Variants in ADAMTS12 observed in about 807,000 individuals in gnomAD.
ADAMTS12 encodes the protein A disintegrin and metalloproteinase with thrombospondin motifs 12.
In ADAMTS12, 118 loss-of-function variants were observed where a neutral mutation model predicts 167.8. The ratio of observed to expected loss-of-function variants is 0.70; its 90% CI spans 0.61 to 0.82. ADAMTS12 has a LOEUF of 0.82. Ranked by LOEUF, ADAMTS12 falls within the 40% of genes least tolerant of loss-of-function variation. ADAMTS12 has a pLI of 0.00. For missense variants in ADAMTS12, 1,916 were observed against 1,998.8 expected, an observed-to-expected ratio of 0.96 and a Z score of 0.79; for synonymous variants, 704 against 716.9, an observed-to-expected ratio of 0.98 and a Z score of 0.29.
chr5:33,575,932 C>T, intron 19 of ADAMTS12, 122 bp downstream of exon 19: 4 of 1,409,114 alleles, frequency 2.8e-6, no homozygotes, highest in South Asian at 1.5e-5. Context: ...GGTCTGATTG[C>T]TTCCTTTTGT....
At chr5:33,684,724 C>G (rs1217115455) in intron 3 of ADAMTS12, among the ~76,000 whole-genome samples, 2 of 152,172 alleles carry the variant, frequency 1.3e-5, no homozygotes, top group East Asian at 3.8e-4. Flanking sequence ...GCAAAACTAT[C>G]AAGGTGACTA....
chr5:33,570,378 T>G (rs1746262056), intron 19 of ADAMTS12, among the ~76,000 whole-genome samples: 1 of 152,166 alleles, frequency 6.6e-6, no homozygotes, highest in African/African-American at 2.4e-5. Flanking sequence ...GGGAAGCCCA[T>G]CAGACTAACA....
chr5:33,694,193 T>C (rs1331591952), intron 3 of ADAMTS12, among the ~76,000 whole-genome samples: 1 of 152,184 alleles, frequency 6.6e-6, no homozygotes, highest in Non-Finnish European at 1.5e-5. Context: ...TGCTCATGGA[T>C]AGGAAGAATC....
At chr5:33,871,268 A>C (rs1290906020) in intron 2 of ADAMTS12, among the ~76,000 whole-genome samples, 1 of 152,182 alleles carries the variant, frequency 6.6e-6, no homozygotes, top group Non-Finnish European at 1.5e-5. Context: ...ATTCTACCAA[A>C]CATGTAAAGA....
At chr5:33,609,452 C>T (rs1167522092) in intron 16 of ADAMTS12, among the ~76,000 whole-genome samples, 4 of 150,898 alleles carry the variant, frequency 2.7e-5, no homozygotes, top group African/African-American at 9.8e-5. Context: ...CTCACTGCAG[C>T]CTCAACCTCC....
intron 2 of ADAMTS12, among the ~76,000 whole-genome samples, chr5:33,777,052 A>C (rs2112434715): frequency 6.6e-6 from 1 of 152,294 alleles, no homozygotes; most frequent in African/African-American, 2.4e-5. Flanking sequence ...CAACAAAGAA[A>C]AACCTAGGAC....
chr5:33,810,359 G>T (rs1168635465), intron 2 of ADAMTS12, among the ~76,000 whole-genome samples: 1 of 152,132 alleles, frequency 6.6e-6, no homozygotes, highest in Non-Finnish European at 1.5e-5. Context: ...TTTTAATCAG[G>T]CATAACAACT....
chr5:33,540,209 C>A (rs1054998810), intron 22 of ADAMTS12, among the ~76,000 whole-genome samples: 1 of 152,226 alleles, frequency 6.6e-6, no homozygotes, highest in Non-Finnish European at 1.5e-5. Flanking sequence ...TCATTGCTAG[C>A]GCAGCAGTCT....
rs374998091 is a variant in ADAMTS12, at chr5:33,595,919, G to A, written c.2654+15C>T. 6.2e-7 allele frequency: 1 copy of A among 1,613,880 alleles called. No homozygotes were observed. Among genetic ancestry groups the A allele is most frequent in the Non-Finnish European group, 8.5e-7 (1 of 1,179,804 alleles). The stretch of plus-strand genomic sequence containing the variant: ...TAGGCAGACACACAGAGCTCCAGCT[G>A]TTAGCGATGGTTACCTGGGTGGACA... On this transcript the variant is annotated intron_variant, in intron 17 of 23. Transcript: ENST00000504830.
At chr5:33,572,483 A>G (rs1265506273) in intron 19 of ADAMTS12, among the ~76,000 whole-genome samples, 4 of 151,238 alleles carry the variant, frequency 2.6e-5, no homozygotes, top group East Asian at 1.9e-4. Context: ...TATAAACAGA[A>G]CCAAAGACAA....
At chr5:33,761,166 C>T (rs542888634) in intron 2 of ADAMTS12, among the ~76,000 whole-genome samples, 1 of 152,302 alleles carries the variant, frequency 6.6e-6, no homozygotes, top group South Asian at 2.1e-4. Flanking sequence ...ATCCCAGTAG[C>T]TCACCATTTT....
intron 2 of ADAMTS12, among the ~76,000 whole-genome samples, chr5:33,869,461 G>A (rs1223784621): frequency 6.6e-6 from 1 of 152,050 alleles, no homozygotes; most frequent in African/African-American, 2.4e-5. Flanking sequence ...TGTGTGGCTG[G>A]AACCCTACAC....
At chr5:33,763,618 A>T (rs1745431447) in intron 2 of ADAMTS12, among the ~76,000 whole-genome samples, 1 of 152,236 alleles carries the variant, frequency 6.6e-6, no homozygotes, top group Non-Finnish European at 1.5e-5. Flanking sequence ...CCATTCAGGG[A>T]AGTCCAGGAG....
At chr5:33,783,606 C>T (rs1487506681) in intron 2 of ADAMTS12, among the ~76,000 whole-genome samples, 1 of 151,792 alleles carries the variant, frequency 6.6e-6, no homozygotes, top group Admixed American at 6.6e-5. Context: ...TAATTCTGTG[C>T]CAACAAATTA....
At chr5:33,542,766 G>C (rs1188033279) in intron 22 of ADAMTS12, among the ~76,000 whole-genome samples, 1 of 152,118 alleles carries the variant, frequency 6.6e-6, no homozygotes, top group East Asian at 1.9e-4. Context: ...AATGACTACT[G>C]GGTACATAAC....
chr5:33,696,686 C>G (rs973221261), intron 3 of ADAMTS12, among the ~76,000 whole-genome samples: 1 of 152,128 alleles, frequency 6.6e-6, no homozygotes, highest in African/African-American at 2.4e-5. Flanking sequence ...TAAGTCTGCA[C>G]TGGGAGGCTG....
chr5:33,641,373 G>A (rs1008499456), intron 11 of ADAMTS12, among the ~76,000 whole-genome samples: 1 of 152,082 alleles, frequency 6.6e-6, no homozygotes, highest in African/African-American at 2.4e-5. Context: ...AGTTGCTTAA[G>A]GAAAGAATTA....
chr5:33,829,040 C>T (rs1748200041), intron 2 of ADAMTS12, among the ~76,000 whole-genome samples: 1 of 152,100 alleles, frequency 6.6e-6, no homozygotes, highest in African/African-American at 2.4e-5. Flanking sequence ...GCATACACAC[C>T]ATACTGCTCT....
chr5:33,574,004 C>T (rs972364289), intron 19 of ADAMTS12, among the ~76,000 whole-genome samples: 1 of 152,206 alleles, frequency 6.6e-6, no homozygotes, highest in Non-Finnish European at 1.5e-5. Context: ...AAATGCTCAT[C>T]ATCACTGGCC....
Sources: allele counts gnomAD v4.1 joint callset (sites outside exome capture counted in the v4.1 genomes callset), GRCh38; gene constraint gnomAD v4.1.1; transcripts MANE v1.5; gene names NCBI Gene and HGNC (gene_info 2026-07-23, HGNC 2026-07-21).